EPB41L4A: variants seen among roughly 807,000 people sequenced by gnomAD.
The protein encoded by EPB41L4A is band 4.1-like protein 4A.
A neutral mutation model predicts 108.6 loss-of-function variants in EPB41L4A; 100 were observed. That is an observed-to-expected ratio of 0.92 (90% confidence interval 0.78 to 1.09). EPB41L4A has a LOEUF of 1.09. Among genes scored for constraint, EPB41L4A ranks in the 50% least tolerant of loss-of-function variants. The pLI is 0.00. For missense variants in EPB41L4A, 1,030 were observed against 842.7 expected (o/e 1.22, Z -2.75); for synonymous variants, 319 against 289.0 (o/e 1.10, Z -1.05).
intron 1 of EPB41L4A, among the ~76,000 whole-genome samples, chr5:112,333,615 C>T (rs1206657613): frequency 6.6e-6 from 1 of 152,158 alleles, no homozygotes; most frequent in Non-Finnish European, 1.5e-5. Context: ...GTCCTGTTTT[C>T]TCCCCCACTC....
chr5:112,209,904 G>C lies in EPB41L4A; in HGVS notation c.1166C>G (p.Ser389Ter). The C allele has an allele frequency of 6.3e-7, 1 of 1,599,194 alleles. No homozygotes were observed. The highest frequency in any genetic ancestry group is 8.6e-7 in the Non-Finnish European group (1 of 1,168,526). ...TAACTTCACTGACCTTTTTACTGGT[G>C]AAGGTGCAATAATTTTAATTGTTCC... Reference protein sequence around the residue: ...NEGTIKIIAPSPVKSFKKAKN... With the variant: ...NEGTIKIIAP The change falls in exon 13 of 23, where the codon TCA (serine) becomes TGA (stop). Residue 389 changes from serine to a stop codon, truncating the protein, a stop_gained. Transcript: ENST00000261486. LOFTEE classifies it high-confidence loss of function.
chr5:112,323,518 T>G (rs12514546), intron 1 of EPB41L4A, among the ~76,000 whole-genome samples: 18,917 of 152,266 alleles, frequency 0.12, 1,579 homozygotes, highest in East Asian at 0.39. Context: ...TTCCAAAAAC[T>G]TATTTATGTG....
At chr5:112,249,746 T>C (rs1580527647) in intron 9 of EPB41L4A, 1 of 152,288 alleles carries the variant, frequency 6.6e-6, no homozygotes, top group East Asian at 1.9e-4. Context: ...CTTTACACAA[T>C]GCTCCCCAAA....
intron 1 of EPB41L4A, among the ~76,000 whole-genome samples, chr5:112,323,548 C>G (rs1343895163): frequency 1.3e-5 from 2 of 152,206 alleles, no homozygotes; most frequent in Non-Finnish European, 2.9e-5. Flanking sequence ...CTCAACTACT[C>G]CTTATTAAGT....
At position 112,182,569 on chromosome 5, in the gene EPB41L4A, C is replaced by T. The variant is rs910363703; in HGVS notation, c.1622+1447G>A. 2.8e-4 allele frequency among the ~76,000 whole-genome samples: 42 copies of T among 152,086 alleles called. 1 individual carries two copies. The highest frequency in any genetic ancestry group is 1.0e-3 in the African/African-American group (42 of 41,412). On this transcript the variant is annotated intron_variant, in intron 18 of 22. Coordinates refer to ENST00000261486, the MANE Select transcript of EPB41L4A (RefSeq NM_022140.5). ...CTGGCATTTAATTGAACTCAGAATG[C>T]TTTAGAAATAGTTAGAAAAACTGAA...
chr5:112,220,775 C>G (rs1249288258), intron 12 of EPB41L4A, among the ~76,000 whole-genome samples: 1 of 152,194 alleles, frequency 6.6e-6, no homozygotes, highest in African/African-American at 2.4e-5. Context: ...GAAGGTAACT[C>G]TCTGACCTTC....
intron 17 of EPB41L4A, among the ~76,000 whole-genome samples, chr5:112,194,143 T>C (rs1761843958): frequency 6.6e-6 from 1 of 152,196 alleles, no homozygotes; most frequent in South Asian, 2.1e-4. Flanking sequence ...TTAGCATATA[T>C]ATATATACAT....
In EPB41L4A at chr5:112,281,413, G is replaced by A. The variant is rs1359954628; in HGVS notation, c.205-1090C>T. Among the ~76,000 whole-genome samples, 3 of 152,222 alleles carry A rather than the reference G, an allele frequency of 2.0e-5. No individual in the cohort carries two copies. In the East Asian group the frequency reaches 5.8e-4, roughly 29 times the overall value. ...CTCCATCTGTGGGAAGAGCAGGGCA[G>A]AAGCCAAGGAAGCACAGAGGGCACT... On this transcript the variant is annotated intron_variant, in intron 2 of 22. Transcript: ENST00000261486.
At chr5:112,417,135 G>C (rs1287417168) in intron 1 of EPB41L4A, among the ~76,000 whole-genome samples, 1 of 152,204 alleles carries the variant, frequency 6.6e-6, no homozygotes, top group African/African-American at 2.4e-5. Flanking sequence ...TGTTGCCTTT[G>C]AATCACTCAC....
At chr5:112,143,746 C>G in exon 14 of EPB41L4A, 1 of 369,490 alleles carries the variant, frequency 2.7e-6, no homozygotes, top group South Asian at 1.9e-5. Flanking sequence ...AAGTCCCAGA[C>G]AAGGGCTCCA....
At chr5:112,263,049 T>A (rs1159531269) in intron 6 of EPB41L4A, among the ~76,000 whole-genome samples, 1 of 152,218 alleles carries the variant, frequency 6.6e-6, no homozygotes, top group Non-Finnish European at 1.5e-5. Flanking sequence ...TGACCACATG[T>A]GTAGTTTGAA....
intron 12 of EPB41L4A, among the ~76,000 whole-genome samples, chr5:112,210,316 T>C (rs1334229360): frequency 6.6e-6 from 1 of 152,162 alleles, no homozygotes; most frequent in African/African-American, 2.4e-5. Context: ...TATTAGAATA[T>C]AAAACATAAT....
At chr5:112,161,787 T>C (rs1422763049), downstream of EPB41L4A, 2 of 367,440 alleles carry the variant, frequency 5.4e-6, no homozygotes, top group African/African-American at 2.1e-5. Context: ...TAGGGTGATA[T>C]GTCTTAAAGC....
intron 11 of EPB41L4A, among the ~76,000 whole-genome samples, chr5:112,237,551 T>C (rs1162902123): frequency 5.9e-5 from 9 of 152,142 alleles, no homozygotes. Flanking sequence ...ATTCATACAC[T>C]GCAGCCACCT....
chr5:112,149,281 A>G (rs150308529), intron 12 of EPB41L4A, among the ~76,000 whole-genome samples: 2 of 152,208 alleles, frequency 1.3e-5, no homozygotes, highest in African/African-American at 4.8e-5. Context: ...CTTGAGCCTG[A>G]CCACATGATG....
At chr5:112,411,284 G>C (rs1042296152) in intron 1 of EPB41L4A, among the ~76,000 whole-genome samples, 4 of 152,144 alleles carry the variant, frequency 2.6e-5, no homozygotes, top group African/African-American at 9.7e-5. Context: ...TTGAGGCAAT[G>C]TGAGTAGATG....
chr5:112,406,412 A>G (rs769434886), intron 1 of EPB41L4A, among the ~76,000 whole-genome samples: 10 of 152,194 alleles, frequency 6.6e-5, no homozygotes, highest in Non-Finnish European at 1.0e-4. Flanking sequence ...GGAAACACTC[A>G]GTGACATAAG....
At chr5:112,239,571 T>A (rs1271402883) in intron 11 of EPB41L4A, 89 bp downstream of exon 11, 2 of 768,708 alleles carry the variant, frequency 2.6e-6, no homozygotes, top group African/African-American at 3.7e-5. Flanking sequence ...AAGAAAAAAA[T>A]AAATAAATAA....
Position 112,346,301 on chromosome 5 carries a change from C to A in EPB41L4A, c.100-38811G>T, listed in dbSNP as rs187730160. Among the ~76,000 whole-genome samples, 197 of 130,142 alleles carry A rather than the reference C, an allele frequency of 1.5e-3. 1 individual carries two copies. Among genetic ancestry groups the A allele is most frequent in the African/African-American group, 4.9e-3 (180 of 36,820 alleles). The allele number at this position is 130,142 out of a possible 152,430, so 85.4% of individuals were successfully genotyped here. A position where few individuals can be genotyped will look rare whatever the true frequency, so the allele number is the denominator to read the frequency against. ...AGTGCAGTGGTGTGATCTCGGCTCA[C>A]TGCAACCTCCGCCTCCCGGGTTCAA... is the stretch of plus-strand genomic sequence containing the variant. On this transcript the variant is annotated intron_variant, in intron 1 of 22. Coordinates refer to ENST00000261486, the MANE Select transcript of EPB41L4A (RefSeq NM_022140.5).
Sources: allele counts gnomAD v4.1 joint callset (sites outside exome capture counted in the v4.1 genomes callset), GRCh38; gene constraint gnomAD v4.1.1; transcripts MANE v1.5; gene names NCBI Gene and HGNC (gene_info 2026-07-23, HGNC 2026-07-21).